The following MAPK10 variants were observed in gnomAD, a reference collection of about 807,000 sequenced individuals.
MAPK10 encodes mitogen-activated protein kinase 10.
Under a neutral mutation model 59.3 loss-of-function variants are expected in MAPK10, and 25 were observed. The observed-to-expected ratio is 0.42, with a 90% CI of 0.31 to 0.59. The LOEUF is 0.59. MAPK10 is among the 20% of genes least tolerant of loss of function. MAPK10 has a pLI of 0.15. For missense variants in MAPK10, 351 were observed against 568.9 expected, an observed-to-expected ratio of 0.62 and a Z score of 3.90; for synonymous variants, 190 against 200.5, an observed-to-expected ratio of 0.95 and a Z score of 0.44.
intron 2 of MAPK10, among the ~76,000 whole-genome samples, chr4:86,292,503 C>T (rs1055063492): frequency 6.6e-6 from 1 of 152,038 alleles, no homozygotes; most frequent in African/African-American, 2.4e-5. Flanking sequence ...GACAGCTTGA[C>T]GTCAGGAGTT....
chr4:86,131,509 T>C (rs2061002902), intron 4 of MAPK10, among the ~76,000 whole-genome samples: 1 of 152,176 alleles, frequency 6.6e-6, no homozygotes, highest in Non-Finnish European at 1.5e-5. Context: ...GCTGTACTTT[T>C]ACAACAAGAA....
chr4:86,218,403 C>T (rs1207534074), intron 2 of MAPK10, among the ~76,000 whole-genome samples: 1 of 151,850 alleles, frequency 6.6e-6, no homozygotes, highest in Non-Finnish European at 1.5e-5. Context: ...GATGGTGATC[C>T]GCACGCCTTG....
intron 11 of MAPK10, among the ~76,000 whole-genome samples, chr4:86,047,296 C>T (rs1260353888): frequency 6.6e-6 from 1 of 152,006 alleles, no homozygotes; most frequent in African/African-American, 2.4e-5. Flanking sequence ...GAGAAGGTAA[C>T]ATTTGAGCAG....
At chr4:86,591,280 T>C (rs1341884534) in intron 1 of MAPK10, among the ~76,000 whole-genome samples, 1 of 152,218 alleles carries the variant, frequency 6.6e-6, no homozygotes, top group Non-Finnish European at 1.5e-5. Flanking sequence ...CTGTGGCTAC[T>C]GTAAGTGGGA....
intron 1 of MAPK10, among the ~76,000 whole-genome samples, chr4:86,519,546 A>T (rs1462002518): frequency 6.6e-6 from 1 of 152,096 alleles, no homozygotes; most frequent in Non-Finnish European, 1.5e-5. Flanking sequence ...AAGACAGCAG[A>T]TATTTGGTTG....
At chr4:86,309,028 C>T (rs1692403563) in intron 2 of MAPK10, among the ~76,000 whole-genome samples, 1 of 152,114 alleles carries the variant, frequency 6.6e-6, no homozygotes, top group South Asian at 2.1e-4. Context: ...TTATCACACT[C>T]ATCAATAACA....
chr4:86,525,639 C>A (rs1181169220), intron 1 of MAPK10, among the ~76,000 whole-genome samples: 1 of 152,036 alleles, frequency 6.6e-6, no homozygotes, highest in Non-Finnish European at 1.5e-5. Flanking sequence ...AAAGGTTGTA[C>A]AATATAAACA....
At chr4:86,070,956 G>A (rs1005583559) in intron 9 of MAPK10, among the ~76,000 whole-genome samples, 20 of 152,014 alleles carry the variant, frequency 1.3e-4, no homozygotes, top group Admixed American at 1.3e-4. Context: ...AGATCCCTGA[G>A]GAATCGCCAC....
At chr4:86,158,381 G>C (rs565692556) in intron 4 of MAPK10, among the ~76,000 whole-genome samples, 2 of 151,802 alleles carry the variant, frequency 1.3e-5, no homozygotes, top group African/African-American at 2.4e-5. Flanking sequence ...CAGCAAGAAA[G>C]TGGCTAAGTT....
intron 2 of MAPK10, among the ~76,000 whole-genome samples, chr4:86,211,794 A>C (rs1012863866): frequency 6.6e-6 from 1 of 152,150 alleles, no homozygotes; most frequent in Non-Finnish European, 1.5e-5. Context: ...TTATAACATC[A>C]ATAACTAAAT....
intron 2 of MAPK10, among the ~76,000 whole-genome samples, chr4:86,206,169 A>G (rs577413596): frequency 3.7e-4 from 56 of 151,858 alleles, no homozygotes; most frequent in Middle Eastern, 3.4e-3. Context: ...AGCATTAGAT[A>G]TATCTCCTAA....
chr4:86,163,173 C>T (rs2070406112), intron 3 of MAPK10, among the ~76,000 whole-genome samples: 1 of 151,970 alleles, frequency 6.6e-6, no homozygotes, highest in African/African-American at 2.4e-5. Context: ...GACATAATAG[C>T]ATAGGAAATT....
At chr4:86,380,261 CA>C (rs1053655011) in intron 1 of MAPK10, among the ~76,000 whole-genome samples, 3 of 151,940 alleles carry the variant, frequency 2.0e-5, no homozygotes, top group Non-Finnish European at 4.4e-5. Flanking sequence ...AAAACCCCCC[CA>C]AAAAAACCTG....
chr4:86,024,532 C>T (rs1749170883), intron 13 of MAPK10: 1 of 152,160 alleles, frequency 6.6e-6, no homozygotes, highest in South Asian at 2.1e-4. Context: ...ATATATTTCC[C>T]CTGCTTCTTT....
chr4:86,384,219 CACCAGGA>C (rs746220970), intron 1 of MAPK10: 1 of 152,144 alleles, frequency 6.6e-6, no homozygotes, highest in Non-Finnish European at 1.5e-5. Context: ...CCAGGTGCTA[CACCAGGA>C]ACTGGAAAAA....
intron 1 of MAPK10, among the ~76,000 whole-genome samples, chr4:86,459,093 T>C (rs896387351): frequency 9.9e-5 from 15 of 152,098 alleles, no homozygotes; most frequent in Non-Finnish European, 2.1e-4. Flanking sequence ...CATAAAAAAG[T>C]GGGCTAAGGC....
At chr4:86,341,331 T>C (rs560118981) in intron 2 of MAPK10, among the ~76,000 whole-genome samples, 1 of 152,132 alleles carries the variant, frequency 6.6e-6, no homozygotes, top group Non-Finnish European at 1.5e-5. Context: ...TCCAAACAGA[T>C]CTCAATGAAT....
At chr4:86,070,185 A>C (rs917322888) in intron 9 of MAPK10, among the ~76,000 whole-genome samples, 1 of 152,140 alleles carries the variant, frequency 6.6e-6, no homozygotes, top group African/African-American at 2.4e-5. Context: ...AGTGATCTTT[A>C]AAAGTCTGTG....
At chr4:86,295,458 G>A (rs201403338) in intron 2 of MAPK10, among the ~76,000 whole-genome samples, 2 of 151,738 alleles carry the variant, frequency 1.3e-5, no homozygotes, top group Non-Finnish European at 2.9e-5. Flanking sequence ...TAATTTTTTT[G>A]TCAGCGTCCC....
Sources: gnomAD v4.1 joint callset for allele counts (sites outside exome capture counted in the v4.1 genomes callset) on GRCh38, gnomAD v4.1.1 for gene constraint, MANE v1.5 for transcripts, NCBI Gene and HGNC (gene_info 2026-07-23, HGNC 2026-07-21) for gene names.